Variants in FABP6 observed in about 807,000 individuals in gnomAD.
FABP6 encodes the protein gastrotropin.
FABP6 carries 13 observed loss-of-function variants against 14.9 expected under a neutral mutation model. That is an observed-to-expected ratio of 0.87 (90% CI 0.57 to 1.39). The LOEUF (loss-of-function observed/expected upper bound fraction) is 1.39. FABP6 is among the 40% of genes most tolerant of loss of function. The probability of loss-of-function intolerance (pLI) is 0.00; values close to 1 mark genes in which losing one functional copy is unlikely to be tolerated. For synonymous variants in FABP6, 75 were observed against 63.6 expected (o/e 1.18, Z -0.85); for missense variants, 161 against 167.2 (o/e 0.96, Z 0.20).
intron 2 of FABP6, among the ~76,000 whole-genome samples, chr5:160,201,408 G>C (rs189661671): frequency 2.0e-5 from 3 of 151,530 alleles, no homozygotes; most frequent in Admixed American, 6.6e-5. Flanking sequence ...TGCCTAGGGT[G>C]GGGGGGTAGG....
chr5:160,234,241 A>T (rs990639852), intron 2 of FABP6, among the ~76,000 whole-genome samples: 1 of 152,048 alleles, frequency 6.6e-6, no homozygotes, highest in Non-Finnish European at 1.5e-5. Context: ...ACTGCACAAA[A>T]CCCGCTTCAG....
exon 3 of FABP6, chr5:160,213,754 T>A (rs761151112): frequency 6.2e-7 from 1 of 1,613,904 alleles, no homozygotes; most frequent in Non-Finnish European, 8.5e-7. Context: ...AGCTGTGTTG[T>A]CTGCGTGCAC....
intron 1 of FABP6, among the ~76,000 whole-genome samples, chr5:160,192,664 T>G (rs2113053788): frequency 6.6e-6 from 1 of 152,268 alleles, no homozygotes; most frequent in East Asian, 1.9e-4. Context: ...AGACACAGGC[T>G]CAGTCCTGGC....
At chr5:160,191,419 A>ATCATGCCATTG (rs1464032984) in intron 1 of FABP6, among the ~76,000 whole-genome samples, 1 of 151,784 alleles carries the variant, frequency 6.6e-6, no homozygotes, top group African/African-American at 2.4e-5. Flanking sequence ...GTGAGCCAAG[A>ATCATGCCATTG]TCATGCCATT....
intron 3 of FABP6, among the ~76,000 whole-genome samples, chr5:160,238,289 G>A (rs978226495): frequency 1.3e-5 from 2 of 152,160 alleles, no homozygotes; most frequent in Non-Finnish European, 2.9e-5. Flanking sequence ...TGTACAATGG[G>A]AACAACCTCA....
intron 3 of FABP6, among the ~76,000 whole-genome samples, chr5:160,220,330 G>A (rs905952103): frequency 2.6e-5 from 4 of 152,088 alleles, no homozygotes; most frequent in Admixed American, 6.6e-5. Flanking sequence ...TAATGAATGA[G>A]GCCAGGTGAT....
chr5:160,201,522 T>G (rs779713612), intron 2 of FABP6, among the ~76,000 whole-genome samples: 9 of 152,180 alleles, frequency 5.9e-5, no homozygotes, highest in Non-Finnish European at 1.2e-4. Flanking sequence ...TTAAAAATAA[T>G]AATTTAAACG....
chr5:160,208,277 T>TA (rs71579116), intron 2 of FABP6, among the ~76,000 whole-genome samples: 10 of 147,020 alleles, frequency 6.8e-5, no homozygotes, highest in South Asian at 2.2e-4. Context: ...ATCGTTTGTC[T>TA]AAAAAAAAAA....
chr5:160,215,347 T>C (rs1580911948), intron 3 of FABP6, among the ~76,000 whole-genome samples: 1 of 151,758 alleles, frequency 6.6e-6, no homozygotes, highest in Non-Finnish European at 1.5e-5. Flanking sequence ...AACCCCGTCT[T>C]TACTAAAAAT....
intron 3 of FABP6, among the ~76,000 whole-genome samples, chr5:160,216,321 G>A (rs2113112631): frequency 6.6e-6 from 1 of 151,012 alleles, no homozygotes; most frequent in South Asian, 2.1e-4. Context: ...AGGCTGGAGT[G>A]CAGTGACACA....
chr5:160,193,022 G>T (rs12521913), intron 1 of FABP6, among the ~76,000 whole-genome samples: 9,303 of 152,328 alleles, frequency 0.061, 351 homozygotes, highest in South Asian at 0.11. Flanking sequence ...GAGGCAGGAG[G>T]ATTGCTTAAG....
upstream of FABP6, among the ~76,000 whole-genome samples, chr5:160,227,804 T>C (rs184006809): frequency 7.1e-6 from 1 of 140,112 alleles, no homozygotes; most frequent in Admixed American, 7.3e-5. Context: ...ATATATAACT[T>C]AAAAAAATCC....
At chr5:160,227,294 G>A (rs1056066671), upstream of FABP6, among the ~76,000 whole-genome samples, 2 of 152,128 alleles carry the variant, frequency 1.3e-5, no homozygotes, top group Non-Finnish European at 2.9e-5. Flanking sequence ...CAGCACTTTG[G>A]GAGGCCGAGG....
upstream of FABP6, among the ~76,000 whole-genome samples, chr5:160,227,141 C>A (rs1760265757): frequency 6.6e-6 from 1 of 152,138 alleles, no homozygotes; most frequent in African/African-American, 2.4e-5. Context: ...ATGATATACC[C>A]TTTTGTAATG....
exon 2 of FABP6, chr5:160,199,068 A>T (rs775331841): frequency 1.9e-5 from 31 of 1,612,680 alleles, no homozygotes; most frequent in Non-Finnish European, 2.6e-5. Context: ...CTCTGGCTCC[A>T]GGGAGCTCAC....
At chr5:160,190,883 C>T (rs1028321321) in intron 1 of FABP6, among the ~76,000 whole-genome samples, 3 of 151,396 alleles carry the variant, frequency 2.0e-5, no homozygotes, top group African/African-American at 7.3e-5. Context: ...GAGGCCGAGG[C>T]GGGCGGATCA....
intron 2 of FABP6, 55 bp from the exon 3 acceptor site, chr5:160,234,765 G>C: frequency 3.4e-6 from 5 of 1,457,780 alleles, no homozygotes; most frequent in Non-Finnish European, 4.7e-6. Flanking sequence ...ACCAGCCCCA[G>C]ATAGTTGCCA....
chr5:160,212,357 T>C (rs968705508), intron 2 of FABP6, among the ~76,000 whole-genome samples: 2 of 151,834 alleles, frequency 1.3e-5, no homozygotes, highest in Non-Finnish European at 2.9e-5. Flanking sequence ...GGTTTTACCA[T>C]GTTAGCCAGG....
At chr5:160,209,981 A>G (rs1759852147) in intron 2 of FABP6, among the ~76,000 whole-genome samples, 1 of 152,210 alleles carries the variant, frequency 6.6e-6, no homozygotes, top group South Asian at 2.1e-4. Flanking sequence ...ACATACAATC[A>G]ACCTGTGCAC....
Sources: gnomAD v4.1 joint callset for allele counts (sites outside exome capture counted in the v4.1 genomes callset) on GRCh38, gnomAD v4.1.1 for gene constraint, MANE v1.5 for transcripts, NCBI Gene and HGNC (gene_info 2026-07-23, HGNC 2026-07-21) for gene names.